Variants in PHF24 observed in about 807,000 individuals in gnomAD.
PHF24 encodes the protein Galpha inhibitory interacting protein.
Under a neutral mutation model 42.6 loss-of-function variants are expected in PHF24, and 25 were observed. The ratio of observed to expected loss-of-function variants is 0.59; its 90% CI spans 0.43 to 0.82. The LOEUF (loss-of-function observed/expected upper bound fraction) is 0.82, where lower values mean the gene tolerates loss of function less well. PHF24 is among the 40% of genes least tolerant of loss of function. The probability of loss-of-function intolerance (pLI) is 0.00; values close to 1 mark genes in which losing one functional copy is unlikely to be tolerated. For synonymous variants in PHF24, 185 were observed against 204.8 expected (o/e 0.90, Z 0.83); for missense variants, 470 against 538.1 (o/e 0.87, Z 1.25).
At chr9:34,859,202 AG>A in the PHF24 span, among the ~76,000 whole-genome samples, 1 of 152,244 alleles carries the variant, frequency 6.6e-6, no homozygotes, top group Admixed American at 6.5e-5. Flanking sequence ...TCTTGCCCAG[AG>A]GGTCTGCAGT....
the PHF24 span, among the ~76,000 whole-genome samples, chr9:34,866,805 A>C: frequency 6.6e-6 from 1 of 152,214 alleles, no homozygotes; most frequent in South Asian, 2.1e-4. Context: ...GTCACCTGGC[A>C]GTAACTTACA....
the PHF24 span, among the ~76,000 whole-genome samples, chr9:34,827,248 C>T: frequency 6.6e-6 from 1 of 152,176 alleles, no homozygotes; most frequent in Non-Finnish European, 1.5e-5. Context: ...CTCTATTCTC[C>T]TAGCTGTGTG....
chr9:34,777,532 A>G, the PHF24 span, among the ~76,000 whole-genome samples: 4 of 152,174 alleles, frequency 2.6e-5, no homozygotes, highest in African/African-American at 9.7e-5. Context: ...TGCTGCCCTC[A>G]GTGGTGGCAG....
At chr9:34,747,752 A>G in the PHF24 span, among the ~76,000 whole-genome samples, 1 of 152,216 alleles carries the variant, frequency 6.6e-6, no homozygotes, top group Non-Finnish European at 1.5e-5. Flanking sequence ...GATCTGGTAA[A>G]GCTGAATATG....
chr9:34,972,818 G>A (rs1019460915), intron 3 of PHF24, among the ~76,000 whole-genome samples: 1 of 149,950 alleles, frequency 6.7e-6, no homozygotes, highest in African/African-American at 2.4e-5. Flanking sequence ...GGAGGCTGAG[G>A]TAGGAGAATC....
At chr9:34,674,099 G>A in the PHF24 span, among the ~76,000 whole-genome samples, 2 of 152,224 alleles carry the variant, frequency 1.3e-5, no homozygotes, top group Non-Finnish European at 2.9e-5. Context: ...TTTGCTCAAG[G>A]TGCTTTGAAT....
chr9:34,673,041 T>C, the PHF24 span, among the ~76,000 whole-genome samples: 4 of 152,162 alleles, frequency 2.6e-5, no homozygotes, highest in Non-Finnish European at 5.9e-5. Context: ...AACCTGTCTA[T>C]GACAGGAATG....
the PHF24 span, among the ~76,000 whole-genome samples, chr9:34,699,324 C>G: frequency 6.6e-6 from 1 of 152,124 alleles, no homozygotes; most frequent in South Asian, 2.1e-4. Context: ...TGATTACAGC[C>G]CCAACCAGGG....
At chr9:34,967,988 C>G (rs776013788) in intron 1 of PHF24, among the ~76,000 whole-genome samples, 2 of 152,220 alleles carry the variant, frequency 1.3e-5, no homozygotes, top group Non-Finnish European at 2.9e-5. Flanking sequence ...AACAAGTCAT[C>G]AAGTTGCCAA....
chr9:34,936,904 T>G, the PHF24 span, among the ~76,000 whole-genome samples: 133 of 151,028 alleles, frequency 8.8e-4, no homozygotes, highest in African/African-American at 3.2e-3. Context: ...GAGGAGCCCC[T>G]CTGCCCGGCA....
At position 34,973,682 on chromosome 9, in the gene PHF24, A is replaced by G. The variant is rs1827087355; in HGVS notation, c.564+1151A>G. On this transcript the variant is annotated intron_variant, in intron 3 of 7. Transcript: ENST00000242315. ...CTCTTCCTCTATGGCTTGTTATGGA[A>G]CAGCTATTTTCAGCCACTGAAACAC... Among the ~76,000 whole-genome samples, 8 of 152,224 alleles carry G rather than the reference A, an allele frequency of 5.3e-5. No individual in the cohort carries two copies. In the South Asian group the frequency reaches 1.7e-3, roughly 31 times the overall value.
chr9:34,707,571 T>C, the PHF24 span, among the ~76,000 whole-genome samples: 1 of 152,144 alleles, frequency 6.6e-6, no homozygotes, highest in African/African-American at 2.4e-5. Context: ...GGCCCTGTCT[T>C]CACCTGCTGC....
the PHF24 span, among the ~76,000 whole-genome samples, chr9:34,821,221 A>G: frequency 2.0e-5 from 3 of 152,138 alleles, no homozygotes; most frequent in African/African-American, 7.2e-5. Context: ...GCCATTTACT[A>G]TTTGTCCCAC....
the PHF24 span, among the ~76,000 whole-genome samples, chr9:34,845,761 C>T: frequency 8.0e-6 from 1 of 124,772 alleles, no homozygotes; most frequent in Non-Finnish European, 1.6e-5. Context: ...CCCCCCACCC[C>T]ACAACAGTCC....
the PHF24 span, among the ~76,000 whole-genome samples, chr9:34,767,145 G>A: frequency 6.6e-6 from 1 of 152,218 alleles, no homozygotes; most frequent in African/African-American, 2.4e-5. Context: ...CTGCTCGGGG[G>A]TCAGGGGTCA....
the PHF24 span, chr9:34,689,745 C>T: frequency 6.4e-7 from 1 of 1,573,510 alleles, no homozygotes; most frequent in Non-Finnish European, 8.7e-7. The surrounding 1 kb of genome is among the most constrained non-coding windows in gnomAD (Gnocchi z 4.1). Flanking sequence ...TCCTTCTGGT[C>T]CTCGGTTCCC....
the PHF24 span, among the ~76,000 whole-genome samples, chr9:34,711,479 C>T: frequency 5.3e-3 from 801 of 151,762 alleles, 11 homozygotes; most frequent in African/African-American, 0.018. Flanking sequence ...GCAATTCACC[C>T]GCCTTGGCCT....
chr9:34,730,090 T>G, the PHF24 span, among the ~76,000 whole-genome samples: 1 of 152,192 alleles, frequency 6.6e-6, no homozygotes, highest in Non-Finnish European at 1.5e-5. Flanking sequence ...TGGAGGCACA[T>G]TCATGCTCAG....
At chr9:34,893,789 C>G in the PHF24 span, among the ~76,000 whole-genome samples, 1 of 152,078 alleles carries the variant, frequency 6.6e-6, no homozygotes, top group Non-Finnish European at 1.5e-5. Context: ...GAGAACGGAG[C>G]CAGGCGGTTA....
Sources: gnomAD v4.1 joint callset for allele counts (sites outside exome capture counted in the v4.1 genomes callset) on GRCh38, gnomAD v4.1.1 for gene constraint, Gnocchi (gnomAD v3.1) non-coding constraint, MANE v1.5 for transcripts, NCBI Gene and HGNC (gene_info 2026-07-23, HGNC 2026-07-21) for gene names.